Variants in FAM178B observed in about 807,000 individuals in gnomAD.
FAM178B encodes the protein family with sequence similarity 178 member B.
A neutral mutation model predicts 91.7 loss-of-function variants in FAM178B; 82 were observed. The ratio of observed to expected loss-of-function variants is 0.89; its 90% CI spans 0.75 to 1.07. The LOEUF is 1.07. Among genes scored for constraint, FAM178B ranks in the 50% least tolerant of loss-of-function variants. The pLI, the probability that FAM178B is intolerant of heterozygous loss-of-function variation, is 0.00. For synonymous variants in FAM178B, 368 were observed against 359.4 expected (o/e 1.02, Z -0.27); for missense variants, 769 against 846.7 (o/e 0.91, Z 1.14).
Position 96,923,572 on chromosome 2 carries a change from C to T in FAM178B, c.1205G>A (p.Gly402Asp). The T allele has an allele frequency of 6.4e-7, 1 of 1,551,624 alleles. No individual in the cohort carries two copies. Among genetic ancestry groups the T allele is most frequent in the Admixed American group, 2.0e-5 (1 of 51,008 alleles). The change falls in exon 10 of 17, where the codon GGC (glycine) becomes GAC (aspartate). Residue 402 changes from glycine (G) to aspartate (D), a missense_variant. By Grantham distance (94) the Gly-to-Asp change is moderately conservative. Transcript: ENST00000490605. ...CTCATTCTCATTCAGGCCAGCCTCGCCTGGAAGCACCCTGTGGTAAGACAA... is the reference window on the plus strand; with the variant it reads ...CTCATTCTCATTCAGGCCAGCCTCGTCTGGAAGCACCCTGTGGTAAGACAA... ...PFWHGGRVLPGEAGLNENEEQ... is the reference protein window; with the variant it reads ...PFWHGGRVLPDEAGLNENEEQ...
At chr2:96,919,520 A>G (rs1010489262) in intron 12 of FAM178B, among the ~76,000 whole-genome samples, 1 of 152,216 alleles carries the variant, frequency 6.6e-6, no homozygotes, top group African/African-American at 2.4e-5. Context: ...AGTTGGATTT[A>G]GGATACAGAA....
At chr2:96,910,358 G>A (rs1169315409) in intron 12 of FAM178B, among the ~76,000 whole-genome samples, 1 of 152,146 alleles carries the variant, frequency 6.6e-6, no homozygotes, top group Non-Finnish European at 1.5e-5. Flanking sequence ...TGCACAGTGA[G>A]GTTGGTCATG....
chr2:96,891,302 T>C (rs2080672827), intron 14 of FAM178B, among the ~76,000 whole-genome samples: 1 of 152,202 alleles, frequency 6.6e-6, no homozygotes, highest in East Asian at 1.9e-4. Context: ...ACTTCTTTAG[T>C]CCAGAGCCTC....
intron 4 of FAM178B, 42 bp from the exon 5 acceptor site, chr2:96,967,669 C>G: frequency 2.2e-6 from 3 of 1,364,376 alleles, no homozygotes; most frequent in Non-Finnish European, 3.0e-6. Context: ...CAGTGTTGTT[C>G]CCCATCGTGC....
At chr2:96,948,489 A>C (rs2081868318) in intron 7 of FAM178B, among the ~76,000 whole-genome samples, 1 of 152,196 alleles carries the variant, frequency 6.6e-6, no homozygotes. Flanking sequence ...TGACAGTCAG[A>C]AGCTGGGGTT....
intron 9 of FAM178B, among the ~76,000 whole-genome samples, chr2:96,928,566 C>T (rs62152915): frequency 0.022 from 3,307 of 152,188 alleles, 63 homozygotes; most frequent in Middle Eastern, 0.088. Context: ...TATTAGGTAA[C>T]GGGCCAAACA....
At chr2:96,945,551 C>T (rs934500848) in intron 8 of FAM178B, among the ~76,000 whole-genome samples, 2 of 151,946 alleles carry the variant, frequency 1.3e-5, no homozygotes, top group East Asian at 3.9e-4. Flanking sequence ...CAAACACACA[C>T]GTGCGCGCGC....
At position 96,959,199 on chromosome 2, in the gene FAM178B, G is replaced by GAA. The variant is rs57498168; in HGVS notation, c.887+1087_887+1088dup. Among the ~76,000 whole-genome samples the GAA allele has an allele frequency of 8.4e-3, 686 of 81,940 alleles. 33 individuals are homozygous for GAA. The highest frequency in any genetic ancestry group is 0.021 in the African/African-American group (659 of 30,692). The allele number at this position is 81,940 out of a possible 152,430, so 53.8% of individuals were successfully genotyped here. ...GGGTGACAGAGCGAGACTCAGTTTT[G>GAA]AAAAAAAAAAAAAAAAAAAAAAAAA... On this transcript the variant is annotated intron_variant, in intron 6 of 16. Coordinates refer to ENST00000490605, the MANE Select transcript of FAM178B (RefSeq NM_001122646.3).
At chr2:96,958,126 T>C (rs552156774) in intron 6 of FAM178B, among the ~76,000 whole-genome samples, 1 of 149,312 alleles carries the variant, frequency 6.7e-6, no homozygotes, top group African/African-American at 2.5e-5. Flanking sequence ...TGGAGTGCAG[T>C]GGCACGATCT....
intron 14 of FAM178B, among the ~76,000 whole-genome samples, chr2:96,889,097 C>T (rs2080601160): frequency 6.6e-6 from 1 of 152,190 alleles, no homozygotes; most frequent in Non-Finnish European, 1.5e-5. Flanking sequence ...CAGACTGCCC[C>T]TTAGCTGTTA....
At chr2:96,948,897 T>C (rs2081876848) in intron 7 of FAM178B, among the ~76,000 whole-genome samples, 1 of 152,084 alleles carries the variant, frequency 6.6e-6, no homozygotes, top group Non-Finnish European at 1.5e-5. Flanking sequence ...CCAGTGGGAC[T>C]CCTGGGGGCA....
intron 10 of FAM178B, 127 bp from the exon 11 acceptor site, chr2:96,921,781 T>A: frequency 1.0e-6 from 1 of 957,974 alleles, no homozygotes; most frequent in South Asian, 1.6e-5. Context: ...CCATGTTGGG[T>A]AGGAGCTCAG....
chr2:96,877,712 G>A, intron 16 of FAM178B, 178 bp downstream of exon 16: 1 of 630,692 alleles, frequency 1.6e-6, no homozygotes, highest in Admixed American at 2.9e-5. Flanking sequence ...CTGGATTCTT[G>A]ATAAGAATGA....
At chr2:96,912,849 C>G (rs780310636) in intron 12 of FAM178B, among the ~76,000 whole-genome samples, 1 of 152,188 alleles carries the variant, frequency 6.6e-6, no homozygotes, top group African/African-American at 2.4e-5. Flanking sequence ...TCCTTCCAGA[C>G]CTTCTGGCCT....
At chr2:96,970,892 T>A in intron 3 of FAM178B, 115 bp from the exon 4 acceptor site, 1 of 796,400 alleles carries the variant, frequency 1.3e-6, no homozygotes, top group Non-Finnish European at 2.1e-6. Flanking sequence ...TCTGAAAAGA[T>A]ACTATGTTTA....
intron 14 of FAM178B, among the ~76,000 whole-genome samples, chr2:96,879,014 C>T (rs1243590041): frequency 6.6e-6 from 1 of 152,252 alleles, no homozygotes; most frequent in Non-Finnish European, 1.5e-5. Flanking sequence ...GCCAACTGCA[C>T]ACTCTCAGCA....
At chr2:96,889,542 A>G (rs1385288056) in intron 14 of FAM178B, among the ~76,000 whole-genome samples, 1 of 151,712 alleles carries the variant, frequency 6.6e-6, no homozygotes, top group Non-Finnish European at 1.5e-5. Context: ...GCCGGGCATG[A>G]TGGTGGGCAC....
At chr2:96,969,408 A>G (rs1340101334) in intron 4 of FAM178B, among the ~76,000 whole-genome samples, 1 of 152,224 alleles carries the variant, frequency 6.6e-6, no homozygotes, top group African/African-American at 2.4e-5. Flanking sequence ...AAGAAGCAAG[A>G]AAGAGTGCCC....
intron 14 of FAM178B, among the ~76,000 whole-genome samples, chr2:96,880,990 A>T (rs935271394): frequency 6.6e-6 from 1 of 151,960 alleles, no homozygotes; most frequent in Non-Finnish European, 1.5e-5. Flanking sequence ...TTGGCCATGA[A>T]AAGCAGCCGA....
Sources: gnomAD v4.1 joint callset for allele counts (sites outside exome capture counted in the v4.1 genomes callset) on GRCh38, gnomAD v4.1.1 for gene constraint, MANE v1.5 for transcripts, NCBI Gene and HGNC (gene_info 2026-07-23, HGNC 2026-07-21) for gene names.